The following JADE3 variants were observed in gnomAD, a reference collection of about 807,000 sequenced individuals.
JADE3 encodes jade family PHD finger 3.
A neutral mutation model predicts 50.1 loss-of-function variants in JADE3; 2 were observed. The observed-to-expected ratio is 0.04, with a 90% CI of 0.02 to 0.13. The LOEUF is 0.13. JADE3 is among the 10% of genes least tolerant of loss of function. The probability of loss-of-function intolerance (pLI) is 1.00; values close to 1 mark genes in which losing one functional copy is unlikely to be tolerated. For missense variants in JADE3, 475 were observed against 634.4 expected, an observed-to-expected ratio of 0.75 and a Z score of 2.70; for synonymous variants, 218 against 232.9, an observed-to-expected ratio of 0.94 and a Z score of 0.58.
At chrX:46,965,628 C>T (rs1448654942) in intron 1 of JADE3, among the ~76,000 whole-genome samples, 2 of 111,054 alleles carry the variant, frequency 1.8e-5, no homozygotes, top group Non-Finnish European at 3.8e-5. Flanking sequence ...CTCCTGTTTG[C>T]TGAGCCTTAT....
At chrX:47,047,753 A>G (rs1602422588) in intron 8 of JADE3, among the ~76,000 whole-genome samples, 1 of 111,782 alleles carries the variant, frequency 8.9e-6, no homozygotes, top group Non-Finnish European at 1.9e-5. Flanking sequence ...CTTATAAACC[A>G]GTAATTCTAC....
Position 46,980,127 on chromosome X carries a change from G to A in JADE3, c.-11-4757G>A, listed in dbSNP as rs782374504. ...ACTCCTGACCTCAAATGATCCGTCCGCCTTAGCCTCCCAAAGTGCTGGGAT... is the reference window on the plus strand; with the variant it reads ...ACTCCTGACCTCAAATGATCCGTCCACCTTAGCCTCCCAAAGTGCTGGGAT... On this transcript the variant is annotated intron_variant, in intron 1 of 10. Coordinates refer to ENST00000614628, the MANE Select transcript of JADE3 (RefSeq NM_014735.5). Among the ~76,000 whole-genome samples the A allele has an allele frequency of 5.5e-5, 6 of 109,692 alleles. No individual in the cohort carries two copies. In the East Asian group the frequency reaches 8.6e-4, roughly 16 times the overall value.
At chrX:46,966,965 G>T (rs900181299) in intron 1 of JADE3, among the ~76,000 whole-genome samples, 1 of 112,131 alleles carries the variant, frequency 8.9e-6, no homozygotes, top group Non-Finnish European at 1.9e-5. Flanking sequence ...GTGAGCTCCT[G>T]GTCACTGGAG....
chrX:46,994,308 C>T (rs1443063031), intron 3 of JADE3, among the ~76,000 whole-genome samples: 1 of 111,949 alleles, frequency 8.9e-6, no homozygotes, highest in Non-Finnish European at 1.9e-5. Context: ...GCCAGATGTG[C>T]ACACAGTGTT....
At chrX:46,921,355 A>AG (rs1271863131) in intron 1 of JADE3, among the ~76,000 whole-genome samples, 5 of 112,910 alleles carry the variant, frequency 4.4e-5, no homozygotes, top group Admixed American at 3.7e-4. Flanking sequence ...TTGGAATTAC[A>AG]GGCGTCAGCC....
chrX:46,986,356 T>C (rs781983983), intron 3 of JADE3, among the ~76,000 whole-genome samples: 3 of 112,658 alleles, frequency 2.7e-5, no homozygotes, highest in Non-Finnish European at 3.7e-5. Context: ...GATGAACTTA[T>C]TTGTTTTCCA....
At chrX:46,948,761 G>A (rs1311696509) in intron 1 of JADE3, among the ~76,000 whole-genome samples, 1 of 111,328 alleles carries the variant, frequency 9.0e-6, no homozygotes, top group Non-Finnish European at 1.9e-5. Flanking sequence ...CAGTGCCCCA[G>A]TCAAGAAGAA....
chrX:46,978,659 T>G (rs1927676212), intron 1 of JADE3, among the ~76,000 whole-genome samples: 1 of 111,562 alleles, frequency 9.0e-6, no homozygotes, highest in Non-Finnish European at 1.9e-5. Flanking sequence ...GAGCCAGAAC[T>G]GGGCCTCGCA....
At chrX:46,990,798 A>G (rs1927971992) in intron 3 of JADE3, among the ~76,000 whole-genome samples, 1 of 110,331 alleles carries the variant, frequency 9.1e-6, no homozygotes. Flanking sequence ...ATAATTTAGA[A>G]CATTTTCATC....
chrX:46,924,207 TC>T (rs1251118455), intron 1 of JADE3, among the ~76,000 whole-genome samples: 1 of 111,878 alleles, frequency 8.9e-6, no homozygotes, highest in East Asian at 2.8e-4. Context: ...TTTTCCCTGA[TC>T]TTCCCTGTGA....
At chrX:47,022,430 T>C (rs1339060545) in intron 4 of JADE3, among the ~76,000 whole-genome samples, 1 of 112,186 alleles carries the variant, frequency 8.9e-6, no homozygotes, top group Non-Finnish European at 1.9e-5. Flanking sequence ...ATGTGTGTCG[T>C]TGTTATTAGC....
intron 1 of JADE3, among the ~76,000 whole-genome samples, chrX:46,923,829 G>A (rs1056159254): frequency 1.8e-5 from 2 of 111,255 alleles, no homozygotes; most frequent in Non-Finnish European, 1.9e-5. Flanking sequence ...TCTCCCAGTT[G>A]TATTCTATTG....
chrX:47,037,032 C>T (rs1380218641), intron 7 of JADE3, among the ~76,000 whole-genome samples: 6 of 95,495 alleles, frequency 6.3e-5, no homozygotes, highest in Non-Finnish European at 8.3e-5. Context: ...GTGGGTGCAG[C>T]GCACCAGCAT....
intron 3 of JADE3, 50 bp downstream of exon 3, chrX:46,985,842 GTCT>G: frequency 1.2e-6 from 1 of 856,791 alleles, no homozygotes; most frequent in Non-Finnish European, 1.7e-6. Context: ...TTGGATGCTT[GTCT>G]TCCAAAACCT....
chrX:47,051,692 G>A (rs781929996), intron 8 of JADE3, among the ~76,000 whole-genome samples: 3 of 109,712 alleles, frequency 2.7e-5, no homozygotes, highest in Non-Finnish European at 3.8e-5. Context: ...AGCTACTCGG[G>A]AGGCTGAGGC....
intron 4 of JADE3, among the ~76,000 whole-genome samples, chrX:47,021,232 T>C (rs782546888): frequency 8.9e-6 from 1 of 111,998 alleles, no homozygotes; most frequent in East Asian, 2.8e-4. Context: ...CATTTGAGAC[T>C]GAATTGTTTT....
chrX:46,978,025 T>C (rs781962329), intron 1 of JADE3, among the ~76,000 whole-genome samples: 6 of 111,711 alleles, frequency 5.4e-5, no homozygotes, highest in Non-Finnish European at 9.4e-5. Flanking sequence ...GATACTGTGC[T>C]AAGAGCTAGG....
intron 4 of JADE3, among the ~76,000 whole-genome samples, chrX:47,010,250 C>A (rs782762771): frequency 9.1e-6 from 1 of 110,182 alleles, no homozygotes; most frequent in Non-Finnish European, 1.9e-5. Context: ...TATTTTGAGA[C>A]GGAGTTTCGC....
intron 1 of JADE3, among the ~76,000 whole-genome samples, chrX:46,926,904 C>T (rs1283351923): frequency 4.5e-5 from 5 of 112,180 alleles, no homozygotes; most frequent in African/African-American, 1.6e-4. Flanking sequence ...AATCATTCAC[C>T]ATTGAAAGGC....
Sources: allele counts gnomAD v4.1 joint callset (sites outside exome capture counted in the v4.1 genomes callset), GRCh38; gene constraint gnomAD v4.1.1; transcripts MANE v1.5; gene names NCBI Gene and HGNC (gene_info 2026-07-23, HGNC 2026-07-21).